Variants in CACHD1 observed in about 807,000 individuals in gnomAD.
CACHD1 encodes VWFA and cache domain-containing protein 1.
A neutral mutation model predicts 138.7 loss-of-function variants in CACHD1; 71 were observed. The ratio of observed to expected loss-of-function variants is 0.51; its 90% CI spans 0.42 to 0.62. The LOEUF (loss-of-function observed/expected upper bound fraction) is 0.62. Among genes scored for constraint, CACHD1 ranks in the 20% least tolerant of loss-of-function variants. The pLI, the probability that CACHD1 is intolerant of heterozygous loss-of-function variation, is 0.00. For synonymous variants in CACHD1, 578 were observed against 591.5 expected (o/e 0.98, Z 0.33); for missense variants, 1,389 against 1,625.3 (o/e 0.85, Z 2.50).
At chr1:64,539,011 C>T (rs149820756) in intron 1 of CACHD1, among the ~76,000 whole-genome samples, 1 of 152,228 alleles carries the variant, frequency 6.6e-6, no homozygotes, top group East Asian at 1.9e-4. Context: ...ATAAAACTGC[C>T]CCTCACAGGA....
At chr1:64,526,371 G>A (rs528035899) in intron 1 of CACHD1, among the ~76,000 whole-genome samples, 6 of 151,834 alleles carry the variant, frequency 4.0e-5, no homozygotes, top group Non-Finnish European at 8.8e-5. Context: ...AATCTGTGGG[G>A]CCATTAGGAC....
At chr1:64,549,879 T>C (rs1194050267) in intron 1 of CACHD1, among the ~76,000 whole-genome samples, 1 of 152,128 alleles carries the variant, frequency 6.6e-6, no homozygotes, top group African/African-American at 2.4e-5. Context: ...CTCTTGTGAT[T>C]ACTCAGTAAC....
At chr1:64,506,412 T>C (rs1646377357) in intron 1 of CACHD1, 1 of 152,242 alleles carries the variant, frequency 6.6e-6, no homozygotes, top group African/African-American at 2.4e-5. Context: ...GCCTATTGAA[T>C]GCTCTCTAGG....
intron 4 of CACHD1, among the ~76,000 whole-genome samples, chr1:64,622,660 T>C (rs1251464336): frequency 6.6e-6 from 1 of 152,192 alleles, no homozygotes; most frequent in Non-Finnish European, 1.5e-5. Flanking sequence ...CTATATGTAG[T>C]GTTAAAGGCA....
In CACHD1 at chr1:64,640,606, G is replaced by A. The variant is rs35611956; in HGVS notation, c.1007-1214G>A. Among the ~76,000 whole-genome samples the A allele has an allele frequency of 2.7e-3, 403 of 151,850 alleles. 2 individuals carry two copies. The highest frequency in any genetic ancestry group is 4.1e-3 in the Non-Finnish European group (277 of 67,976). On this transcript the variant is annotated intron_variant, in intron 7 of 26. Transcript: ENST00000651257. The stretch of plus-strand genomic sequence containing the variant: ...TGAGAATCGCTTGAACCCTGGAGGA[G>A]GAGATTGCAGTAAGCTGAGATCATA...
intron 7 of CACHD1, among the ~76,000 whole-genome samples, chr1:64,637,233 G>A (rs1396496162): frequency 2.6e-5 from 4 of 152,166 alleles, no homozygotes; most frequent in Non-Finnish European, 5.9e-5. Flanking sequence ...ACTAGCAGTT[G>A]CAAACTCAGA....
intron 4 of CACHD1, among the ~76,000 whole-genome samples, chr1:64,611,722 G>A (rs1260357828): frequency 6.6e-6 from 1 of 152,198 alleles, no homozygotes; most frequent in Non-Finnish European, 1.5e-5. Flanking sequence ...GGAAGTTCCA[G>A]ACTTTCCCTC....
chr1:64,566,250 G>T (rs1646879517), intron 2 of CACHD1, among the ~76,000 whole-genome samples: 1 of 152,126 alleles, frequency 6.6e-6, no homozygotes. Flanking sequence ...TCCATGTCTT[G>T]ATGTGCCCCC....
chr1:64,503,681 TC>T (rs565507727), intron 1 of CACHD1, among the ~76,000 whole-genome samples: 5 of 152,228 alleles, frequency 3.3e-5, no homozygotes, highest in South Asian at 2.1e-4. Context: ...TTACTGATGA[TC>T]CCCCCCATAC....
intron 4 of CACHD1, among the ~76,000 whole-genome samples, chr1:64,618,376 C>T (rs1466608281): frequency 6.6e-6 from 1 of 152,168 alleles, no homozygotes; most frequent in Non-Finnish European, 1.5e-5. Flanking sequence ...AGTGTGGTCC[C>T]AGGTACTCCT....
chr1:64,546,321 C>A (rs140133767), intron 1 of CACHD1, among the ~76,000 whole-genome samples: 3 of 151,202 alleles, frequency 2.0e-5, no homozygotes, highest in Non-Finnish European at 4.4e-5. Flanking sequence ...ATTTTCTTTT[C>A]TTTTCTCTTT....
chr1:64,652,139 T>C, intron 9 of CACHD1, 22 bp from the exon 10 acceptor site: 1 of 1,587,462 alleles, frequency 6.3e-7, no homozygotes. Context: ...GTCTTTAGAT[T>C]TATTTTGTTT....
At chr1:64,531,873 G>A (rs987238561) in intron 1 of CACHD1, among the ~76,000 whole-genome samples, 44 of 152,188 alleles carry the variant, frequency 2.9e-4, no homozygotes, top group African/African-American at 1.0e-3. Flanking sequence ...AATACTGGAA[G>A]CTTCTGTAGG....
At chr1:64,641,446 G>T (rs1431660141) in intron 7 of CACHD1, among the ~76,000 whole-genome samples, 1 of 152,188 alleles carries the variant, frequency 6.6e-6, no homozygotes, top group Non-Finnish European at 1.5e-5. Flanking sequence ...TGATGTTCCT[G>T]CATCACAGAG....
chr1:64,510,852 C>G (rs139343976), intron 1 of CACHD1, among the ~76,000 whole-genome samples: 307 of 152,258 alleles, frequency 2.0e-3, no homozygotes, highest in African/African-American at 7.1e-3. Context: ...TATTGGAGTG[C>G]TGTGGGTCCT....
chr1:64,615,574 A>G lies in CACHD1; in HGVS notation c.517+12662A>G, dbSNP rs144422976. Among the ~76,000 whole-genome samples the G allele has an allele frequency of 2.1e-3, 318 of 152,346 alleles. 2 individuals carry two copies. The highest frequency in any genetic ancestry group is 7.1e-3 in the African/African-American group (297 of 41,588). On this transcript the variant is annotated intron_variant, in intron 4 of 26. Coordinates refer to ENST00000651257, the MANE Select transcript of CACHD1 (RefSeq NM_020925.4). ...AGTGCCTTGCCCATAGCACGTATAC[A>G]GTAAATTCTTATTGAAAGAAAGAAT...
At chr1:64,513,908 AT>A in intron 1 of CACHD1, among the ~76,000 whole-genome samples, 1 of 152,338 alleles carries the variant, frequency 6.6e-6, no homozygotes, top group East Asian at 1.9e-4. Context: ...CATTAGCTCA[AT>A]TTAAAACAAC....
intron 1 of CACHD1, among the ~76,000 whole-genome samples, chr1:64,533,687 T>A (rs1269030930): frequency 1.3e-5 from 2 of 152,160 alleles, no homozygotes; most frequent in Non-Finnish European, 2.9e-5. Context: ...CTATACATGA[T>A]GTGTTCTATT....
rs925261773 is a variant in CACHD1, at chr1:64,680,349, G to A, written c.3406+593G>A. 3.9e-5 allele frequency among the ~76,000 whole-genome samples: 6 copies of A among 152,066 alleles called. No individual in the cohort carries two copies. In the South Asian group the frequency reaches 8.3e-4, roughly 21 times the overall value. On this transcript the variant is annotated intron_variant, in intron 24 of 26. Coordinates refer to ENST00000651257, the MANE Select transcript of CACHD1 (RefSeq NM_020925.4). Reference sequence around the variant, plus strand: ...ACTAAAAATACAAAAACTAGCCGGTGCGGTGGCACCTACCCGTGGTCTGAG... The same window carrying A: ...ACTAAAAATACAAAAACTAGCCGGTACGGTGGCACCTACCCGTGGTCTGAG...
Sources: gnomAD v4.1 joint callset for allele counts (sites outside exome capture counted in the v4.1 genomes callset) on GRCh38, gnomAD v4.1.1 for gene constraint, MANE v1.5 for transcripts, NCBI Gene and HGNC (gene_info 2026-07-23, HGNC 2026-07-21) for gene names.